Variants in SNX19 observed in about 807,000 individuals in gnomAD.
SNX19 encodes the protein sorting nexin-19.
In SNX19, 60 loss-of-function variants were observed where a neutral mutation model predicts 85.2. The ratio of observed to expected loss-of-function variants is 0.70; its 90% CI spans 0.57 to 0.87. The LOEUF (loss-of-function observed/expected upper bound fraction) is 0.87. Ranked by LOEUF, SNX19 falls within the 40% of genes least tolerant of loss-of-function variation. The pLI, the probability that SNX19 is intolerant of heterozygous loss-of-function variation, is 0.00. For missense variants in SNX19, 1,201 were observed against 1,217.8 expected (o/e 0.99, Z 0.21); for synonymous variants, 520 against 470.0 (o/e 1.11, Z -1.38).
chr11:130,914,207 G>T, intron 1 of SNX19, 59 bp downstream of exon 1: 1 of 1,412,460 alleles, frequency 7.1e-7, no homozygotes, highest in South Asian at 1.4e-5. Flanking sequence ...TTTGCTTCAT[G>T]ACTGCTTTCC....
intron 8 of SNX19, chr11:130,893,976 A>G: frequency 1.7e-6 from 1 of 582,052 alleles, no homozygotes; most frequent in Non-Finnish European, 3.1e-6. Context: ...GTAAGCAATA[A>G]CATATGGTTG....
Position 130,910,062 on chromosome 11 carries a change from T to C in SNX19, c.1990A>G (p.Ile664Val), listed in dbSNP as rs779293886. ...EFLALNTDAR[I>V]AFVKKPFMVS... ...ATAAATGGTTTCTTGACAAAGGCAA[T>C]ACGAGCATCTGTGTTCAGAGCAAGG... is the stretch of plus-strand genomic sequence containing the variant. The change falls in exon 4 of 11, where the codon ATT becomes GTT. Residue 664 changes from isoleucine to valine, a missense_variant. Around this residue, in one of 3 missense-constraint regions of SNX19, gnomAD observed 125 missense variants for 171.6 expected, o/e 0.73. Coordinates refer to ENST00000265909, the MANE Select transcript of SNX19 (RefSeq NM_014758.3). 4 of 1,614,104 alleles carry C rather than the reference T, an allele frequency of 2.5e-6. No homozygotes were observed. In the South Asian group the frequency reaches 3.3e-5, roughly 13 times the overall value.
At chr11:130,888,372 A>G (rs540582702) in intron 8 of SNX19, among the ~76,000 whole-genome samples, 13 of 152,322 alleles carry the variant, frequency 8.5e-5, no homozygotes, top group Non-Finnish European at 7.4e-5. Flanking sequence ...CTAGGATGGC[A>G]TCAGTTTATG....
At chr11:130,898,017 A>T (rs920930502) in intron 8 of SNX19, among the ~76,000 whole-genome samples, 3 of 152,188 alleles carry the variant, frequency 2.0e-5, no homozygotes, top group African/African-American at 7.2e-5. Context: ...TTTTTTGGGC[A>T]TCTAACTTCT....
chr11:130,899,344 T>C (rs990037389), intron 8 of SNX19, among the ~76,000 whole-genome samples: 1 of 152,210 alleles, frequency 6.6e-6, no homozygotes, highest in Non-Finnish European at 1.5e-5. Flanking sequence ...TGCCAGATCT[T>C]TGGAAGCTCT....
In SNX19 at chr11:130,870,520, A is replaced by G. The variant is rs1333495436; in HGVS notation, c.*7902T>C. Among the ~76,000 whole-genome samples, 1 of 152,222 alleles carries G rather than the reference A, an allele frequency of 6.6e-6. No individual in the cohort carries two copies. The highest frequency in any genetic ancestry group is 1.9e-4 in the East Asian group (1 of 5,194). On this transcript the variant is annotated 3_prime_UTR_variant, in exon 11 of 11. Coordinates refer to ENST00000265909, the MANE Select transcript of SNX19 (RefSeq NM_014758.3). ...TTCCCACCCACACGCAAGATGTACA[A>G]AGCTGTCTGGGGCAGGTCTGGTACA...
intron 8 of SNX19, among the ~76,000 whole-genome samples, chr11:130,895,930 G>A (rs1342605441): frequency 1.3e-5 from 2 of 152,152 alleles, no homozygotes; most frequent in Non-Finnish European, 2.9e-5. Context: ...GGCCCATCCT[G>A]GCCCAGTCTA....
In SNX19 at chr11:130,874,101, C is replaced by T. The variant is rs1303251679; in HGVS notation, c.*4321G>A. Among the ~76,000 whole-genome samples the T allele has an allele frequency of 6.6e-6, 1 of 151,954 alleles. No homozygotes were observed. Among genetic ancestry groups the T allele is most frequent in the Non-Finnish European group, 1.5e-5 (1 of 68,004 alleles). On this transcript the variant is annotated 3_prime_UTR_variant, in exon 11 of 11. Transcript: ENST00000265909. ...GCAGTGGTGTGATCGTAGCTCACTG[C>T]AGCCTCAAATTCCTGGGCTCAAGTG...
chr11:130,911,064 G>A (rs900446138), intron 2 of SNX19, among the ~76,000 whole-genome samples: 3 of 151,902 alleles, frequency 2.0e-5, no homozygotes, highest in East Asian at 1.9e-4. Flanking sequence ...GCGTGGTGGC[G>A]GGCGCCTGTA....
chr11:130,882,591 G>A (rs567100416), intron 8 of SNX19, among the ~76,000 whole-genome samples: 39 of 152,216 alleles, frequency 2.6e-4, no homozygotes, highest in Non-Finnish European at 5.0e-4. Flanking sequence ...TAGCCAACAC[G>A]ATCGTATTTG....
chr11:130,875,138 G>GA lies in SNX19; in HGVS notation c.*3283dup, dbSNP rs1255717308. Among the ~76,000 whole-genome samples, 1 of 152,178 alleles carries GA rather than the reference G, an allele frequency of 6.6e-6. No individual in the cohort carries two copies. Among genetic ancestry groups the GA allele is most frequent in the African/African-American group, 2.4e-5 (1 of 41,450 alleles). ...AAATGTCCCTCAATGAATGAACAAA[G>GA]AAAATGTGGCATAGCCATACAATGG... On this transcript the variant is annotated 3_prime_UTR_variant, in exon 11 of 11. Coordinates refer to ENST00000265909, the MANE Select transcript of SNX19 (RefSeq NM_014758.3).
At position 130,916,244 on chromosome 11, in the gene SNX19, G is replaced by T; in HGVS notation, c.-305C>A. The T allele has an allele frequency of 2.6e-6, 1 of 384,716 alleles. No homozygotes were observed. The highest frequency in any genetic ancestry group is 4.8e-6 in the Non-Finnish European group (1 of 209,012). The allele number at this position is 384,716 out of a possible 1,614,324, so 23.8% of individuals were successfully genotyped here. ...GAAGGCCTCTTCGGGGCCTCGGGGC[G>T]GGCGCTGCAAGGCCCTGGGGCCCAC... On this transcript the variant is annotated 5_prime_UTR_variant, in exon 1 of 11. Coordinates refer to ENST00000265909, the MANE Select transcript of SNX19 (RefSeq NM_014758.3).
At position 130,911,766 on chromosome 11, in the gene SNX19, C is replaced by G. The variant is rs1803350071; in HGVS notation, c.1680G>C (p.Glu560Asp). The change falls in exon 2 of 11, where the codon GAG (glutamate) becomes GAC (aspartate). Residue 560 changes from glutamate (E) to aspartate (D), a missense_variant. Physicochemically the swap from Glu to Asp is conservative, Grantham distance 45. This residue lies in a region of SNX19 where 791 missense variants were observed against 750.9 expected (regional missense o/e 1.05). Transcript: ENST00000265909. Reference protein sequence around the residue: ...HPYTLYTVKYETALDGENSSG... With the variant: ...HPYTLYTVKYDTALDGENSSG... Reference sequence around the variant, plus strand: ...TGCTGTTTTCACCGTCAAGGGCTGTCTCGTACTGTTCAACGAACAAATTGA... The same window carrying G: ...TGCTGTTTTCACCGTCAAGGGCTGTGTCGTACTGTTCAACGAACAAATTGA... 6.2e-7 allele frequency: 1 copy of G among 1,613,918 alleles called. No individual in the cohort carries two copies. The highest frequency in any genetic ancestry group is 8.5e-7 in the Non-Finnish European group (1 of 1,179,988).
In SNX19 at chr11:130,914,716, G is replaced by C. The variant is rs974939170; in HGVS notation, c.1224C>G (p.Ser408=). The C allele has an allele frequency of 1.2e-6, 2 of 1,613,996 alleles. No individual in the cohort carries two copies. Among genetic ancestry groups the C allele is most frequent in the Non-Finnish European group, 8.5e-7 (1 of 1,179,950 alleles). ...CACCATCTTTGGGTTCCAGAGCCTG[G>C]GAACTCTCTAGGGCACACAGGGCAT... ...IQDALCALES[S]QALEPKDGEA... Residue 408 remains serine, a synonymous_variant, in exon 1 of 11, where the codon TCC becomes TCG. Transcript: ENST00000265909.
At position 130,910,114 on chromosome 11, in the gene SNX19, G is replaced by C. The variant is rs774130531; in HGVS notation, c.1938C>G (p.Ile646Met). 4 of 1,613,996 alleles carry C rather than the reference G, an allele frequency of 2.5e-6. No individual in the cohort carries two copies. The highest frequency in any genetic ancestry group is 2.7e-5 in the African/African-American group (2 of 74,888). ...FLKQLCAIPE[I>M]ANSEEVQEFL... ...ACTCCTGCACCTCCTCACTGTTAGCGATCTCCGGAATGGCACAGAGTTGCT... is the reference window on the plus strand; with the variant it reads ...ACTCCTGCACCTCCTCACTGTTAGCCATCTCCGGAATGGCACAGAGTTGCT... Residue 646 changes from isoleucine (I) to methionine (M), a missense_variant, in exon 4 of 11, where the codon ATC becomes ATG. Ile to Met is a conservative substitution (Grantham distance 10). Around this residue, in one of 3 missense-constraint regions of SNX19, gnomAD observed 125 missense variants for 171.6 expected, o/e 0.73. Coordinates refer to ENST00000265909, the MANE Select transcript of SNX19 (RefSeq NM_014758.3).
rs568803009 is a variant in SNX19 at position 130,907,019 on chromosome 11, C to A, written c.2166-298G>T. 5.3e-5 allele frequency among the ~76,000 whole-genome samples: 8 copies of A among 152,308 alleles called. No individual in the cohort carries two copies. In the East Asian group the frequency reaches 1.2e-3, roughly 22 times the overall value. ...AGTGTGTATTATGGTTATATTCCCACAGGATAGATTAGCTAACACATAATA... is the reference window on the plus strand; with the variant it reads ...AGTGTGTATTATGGTTATATTCCCAAAGGATAGATTAGCTAACACATAATA... On this transcript the variant is annotated intron_variant, in intron 5 of 10. Transcript: ENST00000265909.
At chr11:130,881,073 A>G in intron 8 of SNX19, 1 of 296,962 alleles carries the variant, frequency 3.4e-6, no homozygotes, top group Non-Finnish European at 6.2e-6. Context: ...TGAACAAGGA[A>G]AAGGGCCCTT....
intron 9 of SNX19, 133 bp downstream of exon 9, chr11:130,880,489 T>C (rs1157165922): frequency 8.1e-6 from 6 of 741,456 alleles, no homozygotes; most frequent in Non-Finnish European, 1.3e-5. Context: ...TGGGAAATGA[T>C]GGGTCAACAG....
Position 130,915,088 on chromosome 11 carries a change from C to T in SNX19, c.852G>A (p.Gln284=). The part of the protein sequence containing the change: ...PAPCPASAPE[Q]PSVPTSLPLI... ...GTGGCAGAGATGTCGGCACTGAGGG[C>T]TGTTCGGGGGCACTGGCTGGGCAGG... Residue 284 remains glutamine (Q), a synonymous_variant, in exon 1 of 11, where the codon CAG becomes CAA. Transcript: ENST00000265909. The T allele has an allele frequency of 6.2e-7, 1 of 1,613,936 alleles. No individual in the cohort carries two copies. Among genetic ancestry groups the T allele is most frequent in the Non-Finnish European group, 8.5e-7 (1 of 1,179,922 alleles).
Sources: gnomAD v4.1 joint callset for allele counts (sites outside exome capture counted in the v4.1 genomes callset) on GRCh38, gnomAD v4.1.1 for gene constraint, gnomAD v4.1.1 regional missense constraint, MANE v1.5 for transcripts, NCBI Gene and HGNC (gene_info 2026-07-23, HGNC 2026-07-21) for gene names.